Variants in CACNA2D4 observed in about 807,000 individuals in gnomAD.
The protein encoded by CACNA2D4 is calcium voltage-gated channel auxiliary subunit alpha2delta 4, also known as voltage-dependent calcium channel subunit alpha-2/delta-4.
Under a neutral mutation model 163.8 loss-of-function variants are expected in CACNA2D4, and 157 were observed. The ratio of observed to expected loss-of-function variants is 0.96; its 90% CI spans 0.84 to 1.09. CACNA2D4 has a LOEUF of 1.09. Ranked by LOEUF, CACNA2D4 falls within the 50% of genes least tolerant of loss-of-function variation. CACNA2D4 has a pLI of 0.00. For synonymous variants in CACNA2D4, 598 were observed against 586.9 expected (o/e 1.02, Z -0.27); for missense variants, 1,410 against 1,479.9 (o/e 0.95, Z 0.78).
chr12:1,864,221 C>T (rs2154448723), intron 18 of CACNA2D4, among the ~76,000 whole-genome samples: 1 of 152,312 alleles, frequency 6.6e-6, no homozygotes, highest in Admixed American at 6.5e-5. Flanking sequence ...GGAGACTCTC[C>T]CTTTGTAAGG....
rs1056293489 is a variant in CACNA2D4, at chr12:1,833,622, G to A, written c.2551+7117C>T. On this transcript the variant is annotated intron_variant, in intron 26 of 37. Transcript: ENST00000382722. The surrounding 1 kb of genome is among the most constrained non-coding windows in gnomAD (Gnocchi z 4.2). ...GGTTGGGGCACCGATGGGGCCATTG[G>A]ATTGCTCCTAAGGAGGAGAAGGAGA... Among the ~76,000 whole-genome samples the A allele has an allele frequency of 1.3e-5, 2 of 152,192 alleles. No homozygotes were observed. Among genetic ancestry groups the A allele is most frequent in the Non-Finnish European group, 2.9e-5 (2 of 68,030 alleles).
intron 8 of CACNA2D4, 33 bp downstream of exon 8, chr12:1,886,190 G>A (rs769928933): frequency 1.2e-6 from 2 of 1,605,300 alleles, no homozygotes; most frequent in Non-Finnish European, 8.5e-7. Flanking sequence ...TAGAGCAAGT[G>A]AGAGCTATTC....
intron 23 of CACNA2D4, among the ~76,000 whole-genome samples, chr12:1,847,944 C>T (rs2154448019): frequency 6.6e-6 from 1 of 152,254 alleles, no homozygotes; most frequent in Non-Finnish European, 1.5e-5. Flanking sequence ...AATCCAGTCG[C>T]CTCGCGAATT....
At chr12:1,810,471 CT>C (rs1342397672) in intron 28 of CACNA2D4, 71 bp downstream of exon 28, 71 of 1,290,088 alleles carry the variant, frequency 5.5e-5, no homozygotes, top group Middle Eastern at 2.3e-4. Context: ...GAGAGGGAAG[CT>C]GGCCTGCCAG....
chr12:1,840,849 G>A lies in CACNA2D4; in HGVS notation c.2471-30C>T, dbSNP rs528741800. ...GGAAACAGAGACAACCCAGTCATGG[G>A]GAAGAGCTGTGGTTGGGGCAGGTGG... On this transcript the variant is annotated intron_variant, in intron 25 of 37. Transcript: ENST00000382722. The A allele has an allele frequency of 2.9e-5, 46 of 1,597,968 alleles. 1 individual carries two copies. The South Asian group carries it at 4.6e-4, about 16-fold the overall frequency.
intron 26 of CACNA2D4, among the ~76,000 whole-genome samples, chr12:1,832,002 A>C (rs986924159): frequency 6.6e-6 from 1 of 152,246 alleles, no homozygotes; most frequent in African/African-American, 2.4e-5. Flanking sequence ...ATGAATCCTC[A>C]GTAAAACCAA....
intron 29 of CACNA2D4, among the ~76,000 whole-genome samples, chr12:1,804,664 G>A (rs1863460270): frequency 6.6e-6 from 1 of 152,366 alleles, no homozygotes; most frequent in Admixed American, 6.5e-5. Flanking sequence ...CCTTGCGGCA[G>A]GGACTGGCCA....
intron 3 of CACNA2D4, among the ~76,000 whole-genome samples, chr12:1,912,340 C>G (rs1401150231): frequency 6.6e-6 from 1 of 152,202 alleles, no homozygotes; most frequent in Non-Finnish European, 1.5e-5. Flanking sequence ...TGGTTTATAC[C>G]ATCCAGGTCC....
chr12:1,905,228 T>C (rs963514175), intron 6 of CACNA2D4, among the ~76,000 whole-genome samples: 3 of 152,198 alleles, frequency 2.0e-5, no homozygotes, highest in East Asian at 3.9e-4. Flanking sequence ...AAAAATCATA[T>C]ATGGAAAATC....
intron 26 of CACNA2D4, among the ~76,000 whole-genome samples, chr12:1,822,922 A>C (rs1864166331): frequency 6.6e-6 from 1 of 152,104 alleles, no homozygotes. Flanking sequence ...GCTCCCTCTC[A>C]GCCTTCCTGG....
chr12:1,795,118 A>C, intron 37 of CACNA2D4, 181 bp downstream of exon 37: 1 of 605,600 alleles, frequency 1.7e-6, no homozygotes, highest in Non-Finnish European at 2.9e-6. Context: ...CTAAATAAAG[A>C]TCTGTTTCTT....
chr12:1,882,565 G>A (rs80353556), intron 13 of CACNA2D4, among the ~76,000 whole-genome samples: 2 of 152,246 alleles, frequency 1.3e-5, no homozygotes, highest in South Asian at 4.2e-4. Context: ...TGAGGGAGGC[G>A]AGGACTGTGG....
chr12:1,793,851 T>A (rs971923243), intron 37 of CACNA2D4, 92 bp from the exon 38 acceptor site: 8 of 1,021,100 alleles, frequency 7.8e-6, no homozygotes, highest in Non-Finnish European at 8.9e-6. Context: ...GCCAAAATCC[T>A]GGGGAAAGGG....
At chr12:1,856,456 G>T (rs1431270838) in intron 20 of CACNA2D4, among the ~76,000 whole-genome samples, 14 of 152,180 alleles carry the variant, frequency 9.2e-5, no homozygotes, top group Non-Finnish European at 1.5e-5. Context: ...CTTCTTCAAG[G>T]TTCAGGGCAA....
intron 2 of CACNA2D4, among the ~76,000 whole-genome samples, chr12:1,914,560 C>T (rs1866914769): frequency 6.6e-6 from 1 of 152,186 alleles, no homozygotes; most frequent in Non-Finnish European, 1.5e-5. Flanking sequence ...CTCCCTCCGT[C>T]TCTCCTTTAT....
chr12:1,795,514 G>T lies in CACNA2D4; in HGVS notation c.3227-133C>A. The T allele has an allele frequency of 5.1e-6, 5 of 974,614 alleles. No individual in the cohort carries two copies. The South Asian group carries it at 5.5e-5, about 11-fold the overall frequency. 60.4% of individuals were successfully genotyped at this position (974,614 alleles called of 1,614,324 possible). On this transcript the variant is annotated intron_variant, in intron 36 of 37. Transcript: ENST00000382722. Reference sequence around the variant, plus strand: ...AGCTTTAGGGTCAGGAGGCAGCACCGGGGCCCAGGGAAGGGTTAGAGAACA... The same window carrying T: ...AGCTTTAGGGTCAGGAGGCAGCACCTGGGCCCAGGGAAGGGTTAGAGAACA...
In CACNA2D4 at chr12:1,834,677, G is replaced by C; in HGVS notation, c.2551+6062C>G. ...GCGCCAGCCCCTGATGGGGGACCCC[G>C]AGGGCGAGCACGAGGACCAGAAGCA... is the stretch of plus-strand genomic sequence containing the variant. On this transcript the variant is annotated intron_variant, in intron 26 of 37. Transcript: ENST00000382722. The surrounding 1 kb of genome is among the most constrained non-coding windows in gnomAD (Gnocchi z 7.6). 6.2e-7 allele frequency: 1 copy of C among 1,601,986 alleles called. No individual in the cohort carries two copies. The highest frequency in any genetic ancestry group is 8.5e-7 in the Non-Finnish European group (1 of 1,179,534).
chr12:1,883,368 G>T lies in CACNA2D4; in HGVS notation c.1352-368C>A, dbSNP rs1184807470. ...GAGAGTGCCCTGTAAGCTTTCTTCT[G>T]CCACTCTTAGGTCTCTTCAGGGAAC... On this transcript the variant is annotated intron_variant, in intron 12 of 37. Coordinates refer to ENST00000382722, the MANE Select transcript of CACNA2D4 (RefSeq NM_172364.5). This position sits in a 1 kb window ranked among gnomAD's most constrained non-coding sequence, Gnocchi z 4.5. 6.6e-6 allele frequency among the ~76,000 whole-genome samples: 1 copy of T among 152,146 alleles called. No homozygotes were observed. The highest frequency in any genetic ancestry group is 1.5e-5 in the Non-Finnish European group (1 of 68,032).
intron 26 of CACNA2D4, among the ~76,000 whole-genome samples, chr12:1,826,378 G>A (rs932709427): frequency 2.0e-5 from 3 of 150,246 alleles, no homozygotes; most frequent in Admixed American, 2.0e-4. Flanking sequence ...TTTAAAGAAC[G>A]GACCAGAGAT....
Sources: allele counts gnomAD v4.1 joint callset (sites outside exome capture counted in the v4.1 genomes callset), GRCh38; gene constraint gnomAD v4.1.1; non-coding constraint Gnocchi (gnomAD v3.1); transcripts MANE v1.5; gene names NCBI Gene and HGNC (gene_info 2026-07-23, HGNC 2026-07-21).